Variants in AKAIN1 observed in about 807,000 individuals in gnomAD.
The protein encoded by AKAIN1 is A-kinase anchor inhibitor 1.
AKAIN1 carries 3 observed loss-of-function variants against 3.7 expected under a neutral mutation model. The observed-to-expected ratio is 0.82, with a 90% CI of 0.37 to 2.12. The LOEUF is 2.12. Among genes scored for constraint, AKAIN1 ranks in the 30% most tolerant of loss-of-function variants. The probability of loss-of-function intolerance (pLI) is 0.06; values close to 1 mark genes in which losing one functional copy is unlikely to be tolerated. For synonymous variants in AKAIN1, 31 were observed against 30.8 expected (o/e 1.01, Z -0.02); for missense variants, 82 against 82.7 (o/e 0.99, Z 0.03).
At chr18:5,147,096 C>T (rs190675444) in intron 1 of AKAIN1, among the ~76,000 whole-genome samples, 18 of 152,198 alleles carry the variant, frequency 1.2e-4, no homozygotes, top group African/African-American at 4.1e-4. Flanking sequence ...CAGATAAAGG[C>T]CTTTTGTCCT....
intron 1 of AKAIN1, among the ~76,000 whole-genome samples, chr18:5,177,351 A>G (rs1469712149): frequency 6.6e-6 from 1 of 152,162 alleles, no homozygotes; most frequent in Non-Finnish European, 1.5e-5. Context: ...CAAATCAAAT[A>G]GCAGGTAAGT....
intron 1 of AKAIN1, among the ~76,000 whole-genome samples, chr18:5,190,320 T>A (rs1278505786): frequency 6.6e-6 from 1 of 152,188 alleles, no homozygotes; most frequent in African/African-American, 2.4e-5. Flanking sequence ...AACCCATGTA[T>A]ATTAAATAGA....
intron 1 of AKAIN1, among the ~76,000 whole-genome samples, chr18:5,166,700 T>C (rs2071169761): frequency 6.6e-6 from 1 of 152,110 alleles, no homozygotes; most frequent in Admixed American, 6.6e-5. Context: ...TATTCCACCA[T>C]TACTCAATAA....
intron 1 of AKAIN1, among the ~76,000 whole-genome samples, chr18:5,184,346 C>A (rs750720774): frequency 6.6e-6 from 1 of 152,006 alleles, no homozygotes; most frequent in South Asian, 2.1e-4. Flanking sequence ...CTAGCCAGAA[C>A]AATCGGCAAA....
At chr18:5,163,923 T>C (rs1598308533) in intron 1 of AKAIN1, 2 of 152,112 alleles carry the variant, frequency 1.3e-5, no homozygotes, top group Non-Finnish European at 2.9e-5. Flanking sequence ...GGTATACTTA[T>C]GTGCATCACA....
intron 1 of AKAIN1, among the ~76,000 whole-genome samples, chr18:5,146,656 C>G (rs532163002): frequency 6.6e-6 from 1 of 152,174 alleles, no homozygotes; most frequent in Non-Finnish European, 1.5e-5. Context: ...AACCTGCCCC[C>G]CTCCCCGCCT....
At chr18:5,175,389 GA>G (rs34521049) in intron 1 of AKAIN1, among the ~76,000 whole-genome samples, 1 of 152,116 alleles carries the variant, frequency 6.6e-6, no homozygotes, top group Non-Finnish European at 1.5e-5. Flanking sequence ...CTTAGAACAC[GA>G]AAAGAGATCA....
At chr18:5,180,961 G>C (rs1000494074) in intron 1 of AKAIN1, among the ~76,000 whole-genome samples, 2 of 151,824 alleles carry the variant, frequency 1.3e-5, no homozygotes, top group Non-Finnish European at 2.9e-5. Context: ...GGTATTTCTG[G>C]AGTGCCACAG....
chr18:5,175,268 T>C (rs912970033), intron 1 of AKAIN1, among the ~76,000 whole-genome samples: 1 of 152,086 alleles, frequency 6.6e-6, no homozygotes, highest in African/African-American at 2.4e-5. Flanking sequence ...ATGATGCATG[T>C]GAGTTCAGTG....
At chr18:5,153,627 A>G (rs1363380656) in intron 1 of AKAIN1, among the ~76,000 whole-genome samples, 2 of 152,250 alleles carry the variant, frequency 1.3e-5, no homozygotes, top group Non-Finnish European at 2.9e-5. Context: ...CACACAAAAA[A>G]TTTCCAAATG....
rs1404311902 is a variant in AKAIN1, at chr18:5,143,660, T to C, written c.*1902A>G. On this transcript the variant is annotated 3_prime_UTR_variant, in exon 2 of 2. Transcript: ENST00000434239. Reference sequence around the variant, plus strand: ...GTACAAAATGAGCCAAACGGCAGAGTCTAGAAAACTTTGCTTAAGATATTT... The same window carrying C: ...GTACAAAATGAGCCAAACGGCAGAGCCTAGAAAACTTTGCTTAAGATATTT... 1.3e-5 allele frequency among the ~76,000 whole-genome samples: 2 copies of C among 152,092 alleles called. No homozygotes were observed. The highest frequency in any genetic ancestry group is 2.9e-5 in the Non-Finnish European group (2 of 68,020).
At chr18:5,152,412 A>C (rs1307691024) in intron 1 of AKAIN1, among the ~76,000 whole-genome samples, 4 of 152,258 alleles carry the variant, frequency 2.6e-5, no homozygotes, top group Middle Eastern at 3.4e-3. Flanking sequence ...CTCTTTGACC[A>C]ATCAACTATC....
intron 1 of AKAIN1, among the ~76,000 whole-genome samples, chr18:5,160,062 C>T (rs2143328177): frequency 6.6e-6 from 1 of 152,290 alleles, no homozygotes; most frequent in South Asian, 2.1e-4. Context: ...TTCTACCATT[C>T]TTGGCCTTGC....
At chr18:5,147,478 T>C (rs1466476154) in intron 1 of AKAIN1, among the ~76,000 whole-genome samples, 1 of 152,342 alleles carries the variant, frequency 6.6e-6, no homozygotes, top group East Asian at 1.9e-4. Flanking sequence ...ACATCATTTC[T>C]TATTTAAAAT....
At chr18:5,183,142 A>G (rs1257607690) in intron 1 of AKAIN1, among the ~76,000 whole-genome samples, 12 of 152,090 alleles carry the variant, frequency 7.9e-5, no homozygotes, top group Admixed American at 7.2e-4. Flanking sequence ...TGAAAGGAAA[A>G]ATATAAATAA....
intron 1 of AKAIN1, chr18:5,159,290 C>T (rs2071126215): frequency 6.6e-6 from 1 of 152,020 alleles, no homozygotes; most frequent in Non-Finnish European, 1.5e-5. Flanking sequence ...ACGTGTTTCA[C>T]CCTGTGTCTC....
intron 1 of AKAIN1, among the ~76,000 whole-genome samples, chr18:5,168,916 G>A (rs554524227): frequency 8.8e-4 from 134 of 151,476 alleles, no homozygotes; most frequent in Non-Finnish European, 1.7e-3. Flanking sequence ...AGGGATGGGG[G>A]AGCTACATAA....
At chr18:5,181,989 T>A (rs1263532821) in intron 1 of AKAIN1, among the ~76,000 whole-genome samples, 1 of 152,100 alleles carries the variant, frequency 6.6e-6, no homozygotes, top group Non-Finnish European at 1.5e-5. Flanking sequence ...TACACGTTCA[T>A]CCTCATACCT....
intron 1 of AKAIN1, among the ~76,000 whole-genome samples, chr18:5,146,479 A>G (rs1308610402): frequency 6.6e-6 from 1 of 152,244 alleles, no homozygotes; most frequent in African/African-American, 2.4e-5. Context: ...TGTTACTTGC[A>G]GCCAAATACA....
Sources: allele counts gnomAD v4.1 joint callset (sites outside exome capture counted in the v4.1 genomes callset), GRCh38; gene constraint gnomAD v4.1.1; transcripts MANE v1.5; gene names NCBI Gene and HGNC (gene_info 2026-07-23, HGNC 2026-07-21).